The following BCAS3 variants were observed in gnomAD, a reference collection of about 807,000 sequenced individuals.
BCAS3 encodes BCAS3 microtubule associated cell migration factor.
BCAS3 carries 53 observed loss-of-function variants against 116.1 expected under a neutral mutation model. That is an observed-to-expected ratio of 0.46 (90% CI 0.37 to 0.57). The LOEUF is 0.57. Among genes scored for constraint, BCAS3 ranks in the 20% least tolerant of loss-of-function variants. The pLI is 0.00. For missense variants in BCAS3, 917 were observed against 1,165.4 expected, an observed-to-expected ratio of 0.79 and a Z score of 3.10; for synonymous variants, 391 against 408.2, an observed-to-expected ratio of 0.96 and a Z score of 0.51.
At chr17:60,823,663 T>C (rs769413350) in intron 7 of BCAS3, among the ~76,000 whole-genome samples, 5 of 152,200 alleles carry the variant, frequency 3.3e-5, no homozygotes, top group Admixed American at 1.3e-4. Flanking sequence ...GGTCAGTCAC[T>C]GAACTGGTTT....
Position 60,800,573 on chromosome 17 carries a change from G to C in BCAS3, c.404-7431G>C, listed in dbSNP as rs149393512. Among the ~76,000 whole-genome samples, 83 of 152,252 alleles carry C rather than the reference G, an allele frequency of 5.5e-4. 1 individual carries two copies. The highest frequency in any genetic ancestry group is 1.7e-3 in the African/African-American group (70 of 41,544). On this transcript the variant is annotated intron_variant, in intron 6 of 23. Coordinates refer to ENST00000407086, the MANE Select transcript of BCAS3 (RefSeq NM_017679.5). Reference sequence around the variant, plus strand: ...CATTCTTCTATCATGGTCTTTGATAGAGCAAAATTTATAATTTTAATTAAA... The same window carrying C: ...CATTCTTCTATCATGGTCTTTGATACAGCAAAATTTATAATTTTAATTAAA...
At chr17:61,006,512 C>T (rs547644944) in intron 15 of BCAS3, among the ~76,000 whole-genome samples, 1 of 152,020 alleles carries the variant, frequency 6.6e-6, no homozygotes, top group Non-Finnish European at 1.5e-5. Context: ...TCTATTTACT[C>T]TGTTGATATA....
chr17:60,874,632 T>C, intron 8 of BCAS3, 30 bp from the exon 9 acceptor site: 1 of 1,520,462 alleles, frequency 6.6e-7, no homozygotes, highest in Admixed American at 1.7e-5. Flanking sequence ...ACTTTTTTTC[T>C]TTCTGTTTTT....
At position 61,181,975 on chromosome 17, in the gene BCAS3, G is replaced by C. The variant is rs2079510141; in HGVS notation, c.2425+97411G>C. 6.6e-6 allele frequency among the ~76,000 whole-genome samples: 1 copy of C among 151,926 alleles called. No homozygotes were observed. Among genetic ancestry groups the C allele is most frequent in the African/African-American group, 2.4e-5 (1 of 41,334 alleles). ...TGCACCCTCAACCTCTTGGGCTCAA[G>C]GGATCTTCCCACCTCAGCCTGCCTT... On this transcript the variant is annotated intron_variant, in intron 22 of 23. Transcript: ENST00000407086. This position sits in a 1 kb window ranked among gnomAD's most constrained non-coding sequence, Gnocchi z 5.0.
At chr17:61,146,080 A>G (rs2077186230) in intron 22 of BCAS3, among the ~76,000 whole-genome samples, 1 of 150,236 alleles carries the variant, frequency 6.7e-6, no homozygotes, top group Non-Finnish European at 1.5e-5. Flanking sequence ...TAGCTGACAC[A>G]GTACTGTTCA....
chr17:60,953,915 G>A (rs1293975624), intron 14 of BCAS3, among the ~76,000 whole-genome samples: 1 of 151,910 alleles, frequency 6.6e-6, no homozygotes, highest in Non-Finnish European at 1.5e-5. Context: ...TGTATTTTTA[G>A]TATAGATGGG....
In BCAS3 at chr17:61,220,121, A is replaced by G. The variant is rs11079424; in HGVS notation, c.2425+135557A>G. On this transcript the variant is annotated intron_variant, in intron 22 of 23. Transcript: ENST00000407086. The surrounding 1 kb of genome is among the most constrained non-coding windows in gnomAD (Gnocchi z 4.5). ...CCAGCCTGGCCAATACAGTGAAATC[A>G]CGTCTCTACTAATAATACAAAAATT... is the stretch of plus-strand genomic sequence containing the variant. Among the ~76,000 whole-genome samples the G allele has an allele frequency of 1, 151,788 of 152,160 alleles. 75,709 individuals carry two copies. The highest frequency in any genetic ancestry group is 1 in the Non-Finnish European group (68,020 of 68,020).
At chr17:61,075,210 C>T (rs1298080653) in intron 20 of BCAS3, among the ~76,000 whole-genome samples, 190 bp downstream of exon 20, 1 of 152,090 alleles carries the variant, frequency 6.6e-6, no homozygotes, top group African/African-American at 2.4e-5. Flanking sequence ...ATTATATATA[C>T]ATTATACGTG....
At chr17:60,963,111 C>T (rs1275602603) in intron 14 of BCAS3, among the ~76,000 whole-genome samples, 1 of 152,096 alleles carries the variant, frequency 6.6e-6, no homozygotes, top group Non-Finnish European at 1.5e-5. Context: ...TATTTTTATG[C>T]CGGCACCATG....
intron 22 of BCAS3, among the ~76,000 whole-genome samples, chr17:61,093,692 T>C (rs1468274347): frequency 2.0e-5 from 3 of 152,266 alleles, no homozygotes; most frequent in Admixed American, 6.5e-5. Context: ...TTTCCTATTA[T>C]GAATTGCACT....
intron 19 of BCAS3, among the ~76,000 whole-genome samples, chr17:61,060,245 G>C (rs886400177): frequency 5.3e-5 from 8 of 151,414 alleles, no homozygotes; most frequent in African/African-American, 1.7e-4. Context: ...TCCTGCCTCA[G>C]CCTCCTGACT....
At chr17:61,369,745 T>G (rs2143525883) in intron 23 of BCAS3, among the ~76,000 whole-genome samples, 2 of 152,302 alleles carry the variant, frequency 1.3e-5, no homozygotes, top group Middle Eastern at 6.8e-3. Context: ...CTTGGCTACA[T>G]GGGTAGCATG....
intron 13 of BCAS3, among the ~76,000 whole-genome samples, chr17:60,926,514 A>G (rs887877087): frequency 6.6e-6 from 1 of 152,218 alleles, no homozygotes; most frequent in Non-Finnish European, 1.5e-5. Context: ...CAGGATTTTT[A>G]TAGTGATTGG....
rs111364444 is a variant in BCAS3 at position 61,019,441 on chromosome 17, A to G, written c.1637+3540A>G. 0.037 allele frequency among the ~76,000 whole-genome samples: 5,587 copies of G among 152,222 alleles called. 164 individuals are homozygous for G. The highest frequency in any genetic ancestry group is 0.095 in the Middle Eastern group (28 of 294). On this transcript the variant is annotated intron_variant, in intron 16 of 23. Transcript: ENST00000407086. The surrounding 1 kb of genome is among the most constrained non-coding windows in gnomAD (Gnocchi z 5.6). ...CTTTTCTGATTGTTCTTTTACTATAAGTTATCTAAAACATTTAATCATAAA... is the reference window on the plus strand; with the variant it reads ...CTTTTCTGATTGTTCTTTTACTATAGGTTATCTAAAACATTTAATCATAAA...
At position 61,087,200 on chromosome 17, in the gene BCAS3, G is replaced by A. The variant is rs1941191575; in HGVS notation, c.2425+2636G>A. ...GGAGTCAGCTGCACATCAGGAAGTT[G>A]CTTATCTGGAGGTTTCATTGCCTGT... On this transcript the variant is annotated intron_variant, in intron 22 of 23. Transcript: ENST00000407086. The surrounding 1 kb of genome is among the most constrained non-coding windows in gnomAD (Gnocchi z 4.6). 1.2e-5 allele frequency: 12 copies of A among 985,572 alleles called. No individual in the cohort carries two copies. The highest frequency in any genetic ancestry group is 1.4e-5 in the Non-Finnish European group (12 of 829,934). 61.1% of individuals were successfully genotyped at this position (985,572 alleles called of 1,614,324 possible).
intron 22 of BCAS3, among the ~76,000 whole-genome samples, chr17:61,152,805 A>G (rs1354184325): frequency 6.6e-6 from 1 of 152,096 alleles, no homozygotes; most frequent in Non-Finnish European, 1.5e-5. Flanking sequence ...ACTTCTCTCC[A>G]CAAATCAGTG....
intron 9 of BCAS3, among the ~76,000 whole-genome samples, chr17:60,877,192 A>G (rs1318816857): frequency 6.6e-6 from 1 of 151,678 alleles, no homozygotes; most frequent in Non-Finnish European, 1.5e-5. Context: ...ATATATATAT[A>G]CACACACATA....
chr17:60,951,916 C>T (rs1217791339), intron 14 of BCAS3, among the ~76,000 whole-genome samples: 1 of 151,808 alleles, frequency 6.6e-6, no homozygotes, highest in East Asian at 1.9e-4. Flanking sequence ...GGACTATAGG[C>T]ACCCGCCACC....
At chr17:60,811,061 T>A (rs2048766750) in intron 7 of BCAS3, 3 of 639,170 alleles carry the variant, frequency 4.7e-6, no homozygotes, top group Non-Finnish European at 5.8e-6. Flanking sequence ...CTCATGGAGC[T>A]GAGACGTACA....
Sources: gnomAD v4.1 joint callset for allele counts (sites outside exome capture counted in the v4.1 genomes callset) on GRCh38, gnomAD v4.1.1 for gene constraint, Gnocchi (gnomAD v3.1) non-coding constraint, MANE v1.5 for transcripts, NCBI Gene and HGNC (gene_info 2026-07-23, HGNC 2026-07-21) for gene names.